The following SGMS1 variants were observed in gnomAD, a reference collection of about 807,000 sequenced individuals.
SGMS1 encodes the protein phosphatidylcholine:ceramide cholinephosphotransferase 1.
SGMS1 carries 13 observed loss-of-function variants against 46.2 expected under a neutral mutation model. The ratio of observed to expected loss-of-function variants is 0.28; its 90% CI spans 0.18 to 0.45. The LOEUF (loss-of-function observed/expected upper bound fraction) is 0.45. Among genes scored for constraint, SGMS1 ranks in the 20% least tolerant of loss-of-function variants. The probability of loss-of-function intolerance (pLI) is 1.00; values close to 1 mark genes in which losing one functional copy is unlikely to be tolerated. For synonymous variants in SGMS1, 203 were observed against 187.8 expected, an observed-to-expected ratio of 1.08 and a Z score of -0.66; for missense variants, 324 against 519.9, an observed-to-expected ratio of 0.62 and a Z score of 3.66.
chr10:50,459,720 A>T (rs1837240961), intron 5 of SGMS1, among the ~76,000 whole-genome samples: 1 of 152,188 alleles, frequency 6.6e-6, no homozygotes, highest in African/African-American at 2.4e-5. Flanking sequence ...GAATATTTTT[A>T]AAACTCTGCT....
chr10:50,613,201 T>C (rs1838766481), intron 1 of SGMS1, among the ~76,000 whole-genome samples: 1 of 152,132 alleles, frequency 6.6e-6, no homozygotes, highest in African/African-American at 2.4e-5. Context: ...TGACCTATGG[T>C]ATGGATTCCC....
chr10:50,460,489 T>G (rs1251290769), intron 5 of SGMS1, among the ~76,000 whole-genome samples, 184 bp downstream of exon 5: 1 of 152,134 alleles, frequency 6.6e-6, no homozygotes, highest in African/African-American at 2.4e-5. Context: ...GAGTGACGAG[T>G]GATATCCCAC....
intron 2 of SGMS1, among the ~76,000 whole-genome samples, chr10:50,557,595 G>C (rs1462908106): frequency 1.0e-5 from 1 of 99,710 alleles, no homozygotes; most frequent in African/African-American, 3.8e-5. Context: ...TTTAGCAGAA[G>C]AAATGCAAAA....
chr10:50,392,730 G>A (rs1008173851), intron 6 of SGMS1, among the ~76,000 whole-genome samples: 1 of 152,180 alleles, frequency 6.6e-6, no homozygotes, highest in African/African-American at 2.4e-5. Flanking sequence ...AAGTATGGGA[G>A]TGAAATGGTA....
At chr10:50,547,486 T>C (rs184038707) in intron 2 of SGMS1, among the ~76,000 whole-genome samples, 4 of 152,116 alleles carry the variant, frequency 2.6e-5, no homozygotes, top group Admixed American at 2.0e-4. Context: ...TCCCAAAACT[T>C]AACCAGGAAG....
At chr10:50,529,861 A>G (rs1355990438) in intron 2 of SGMS1, among the ~76,000 whole-genome samples, 1 of 152,160 alleles carries the variant, frequency 6.6e-6, no homozygotes, top group Non-Finnish European at 1.5e-5. Context: ...GGCAAAGGAG[A>G]ACCATGTACT....
rs537223996 is a variant in SGMS1 at position 50,536,344 on chromosome 10, C to G, written c.-588-16423G>C. Among the ~76,000 whole-genome samples, 20 of 151,892 alleles carry G rather than the reference C, an allele frequency of 1.3e-4. No homozygotes were observed. In the South Asian group the frequency reaches 1.9e-3, roughly 14 times the overall value. ...TCAAAAAAATGAACAAAGAAACAAA[C>G]AAACAAACAAAAAAAACCCATTTCC... On this transcript the variant is annotated intron_variant, in intron 2 of 10. Coordinates refer to ENST00000361781, the MANE Select transcript of SGMS1 (RefSeq NM_147156.4).
In SGMS1 at chr10:50,408,448, A is replaced by AT. The variant is rs1162578280; in HGVS notation, c.-232+25027_-232+25028insA. Among the ~76,000 whole-genome samples the AT allele has an allele frequency of 1.9e-3, 280 of 148,660 alleles. 5 individuals carry two copies. Among genetic ancestry groups the AT allele is most frequent in the South Asian group, 8.8e-3 (42 of 4,788 alleles). The stretch of plus-strand genomic sequence containing the variant: ...TCATCTCTTAAAAAAAAAAAAAAAA[A>AT]AAAAAAACAAAATAAAAACTTTTTT... On this transcript the variant is annotated intron_variant, in intron 6 of 10. Transcript: ENST00000361781.
intron 2 of SGMS1, among the ~76,000 whole-genome samples, chr10:50,581,222 C>T (rs1838431196): frequency 6.6e-6 from 1 of 152,198 alleles, no homozygotes; most frequent in Non-Finnish European, 1.5e-5. Context: ...TTTAAAATCC[C>T]TCAGGGTGAT....
intron 8 of SGMS1, among the ~76,000 whole-genome samples, chr10:50,316,385 G>A (rs1436372820): frequency 6.6e-6 from 1 of 152,182 alleles, no homozygotes; most frequent in African/African-American, 2.4e-5. Context: ...ATCTGCTGTA[G>A]GTCTCCAGTG....
intron 6 of SGMS1, among the ~76,000 whole-genome samples, chr10:50,389,534 G>A (rs756100987): frequency 1.3e-5 from 2 of 152,148 alleles, no homozygotes; most frequent in Non-Finnish European, 2.9e-5. Flanking sequence ...GCACACACCA[G>A]CAAGGCTGAG....
At chr10:50,560,753 C>G (rs1312428706) in intron 2 of SGMS1, among the ~76,000 whole-genome samples, 1 of 151,302 alleles carries the variant, frequency 6.6e-6, no homozygotes, top group East Asian at 1.9e-4. Context: ...ATAATATATA[C>G]ATAAACATCA....
chr10:50,576,752 C>T, intron 2 of SGMS1, among the ~76,000 whole-genome samples: 1 of 152,106 alleles, frequency 6.6e-6, no homozygotes, highest in Non-Finnish European at 1.5e-5. Flanking sequence ...TTTGATGTCA[C>T]CCATTGCACC....
intron 6 of SGMS1, among the ~76,000 whole-genome samples, chr10:50,420,476 G>A (rs1849241135): frequency 6.6e-6 from 1 of 152,156 alleles, no homozygotes; most frequent in Non-Finnish European, 1.5e-5. Context: ...TGTCAAAGTC[G>A]AGCATGCCAT....
intron 8 of SGMS1, among the ~76,000 whole-genome samples, chr10:50,319,262 C>A (rs1847402232): frequency 6.6e-6 from 1 of 151,828 alleles, no homozygotes; most frequent in Non-Finnish European, 1.5e-5. Context: ...CATTTTGGCT[C>A]ATTAATTATC....
At chr10:50,553,918 A>C (rs1010178210) in intron 2 of SGMS1, among the ~76,000 whole-genome samples, 3 of 152,220 alleles carry the variant, frequency 2.0e-5, no homozygotes, top group African/African-American at 4.8e-5. Context: ...TTCAGATAAG[A>C]CCCAATAAAG....
At chr10:50,450,744 C>A (rs1187368666) in intron 5 of SGMS1, among the ~76,000 whole-genome samples, 1 of 151,956 alleles carries the variant, frequency 6.6e-6, no homozygotes, top group African/African-American at 2.4e-5. Context: ...GAGAAAAAGA[C>A]TTATCCACAT....
At chr10:50,395,780 G>T (rs928379590) in intron 6 of SGMS1, among the ~76,000 whole-genome samples, 34 of 152,050 alleles carry the variant, frequency 2.2e-4, no homozygotes, top group African/African-American at 8.2e-4. Flanking sequence ...TTGATGTTCC[G>T]GCATCACTTT....
At chr10:50,614,196 G>T (rs1479411458) in intron 1 of SGMS1, among the ~76,000 whole-genome samples, 1 of 151,864 alleles carries the variant, frequency 6.6e-6, no homozygotes, top group Non-Finnish European at 1.5e-5. Flanking sequence ...TGTAATGATG[G>T]CACTCCAAGC....
Sources: allele counts gnomAD v4.1 joint callset (sites outside exome capture counted in the v4.1 genomes callset), GRCh38; gene constraint gnomAD v4.1.1; transcripts MANE v1.5; gene names NCBI Gene and HGNC (gene_info 2026-07-23, HGNC 2026-07-21).